FGF14: variants seen among roughly 807,000 people sequenced by gnomAD.
FGF14 encodes fibroblast growth factor homologous factor 4.
FGF14 carries 5 observed loss-of-function variants against 25.5 expected under a neutral mutation model. That is an observed-to-expected ratio of 0.20 (90% CI 0.10 to 0.41). The LOEUF is 0.41. Among genes scored for constraint, FGF14 ranks in the 10% least tolerant of loss-of-function variants. The probability of loss-of-function intolerance (pLI) is 1.00; values close to 1 mark genes in which losing one functional copy is unlikely to be tolerated. For synonymous variants in FGF14, 138 were observed against 118.3 expected (o/e 1.17, Z -1.08); for missense variants, 222 against 320.1 (o/e 0.69, Z 2.34).
In FGF14 at chr13:101,715,087, CAT is replaced by C. The variant is rs1429476394; in HGVS notation, c.*7742_*7743del. ...TAGCCAAGTTACGAGGAAACAGAGA[CAT>C]GTATACTTCTCCTCAGCTCTAGCTG... On this transcript the variant is annotated 3_prime_UTR_variant, in exon 5 of 5. Transcript: ENST00000376143. The C allele has an allele frequency of 1.8e-5, 3 of 166,798 alleles. No individual in the cohort carries two copies. Among genetic ancestry groups the C allele is most frequent in the Admixed American group, 1.2e-4 (2 of 17,156 alleles). 10.3% of individuals were successfully genotyped at this position (166,798 alleles called of 1,614,324 possible).
At chr13:101,803,482 G>A (rs1055426182) in intron 3 of FGF14, among the ~76,000 whole-genome samples, 22 of 152,114 alleles carry the variant, frequency 1.4e-4, no homozygotes, top group Admixed American at 5.2e-4. Flanking sequence ...GCAAAGGGAA[G>A]AGCCACTGCA....
chr13:102,253,516 T>C (rs753681166), intron 1 of FGF14, among the ~76,000 whole-genome samples: 2 of 152,222 alleles, frequency 1.3e-5, no homozygotes, highest in Non-Finnish European at 2.9e-5. Context: ...TTGATGGGGT[T>C]GTTTTTTTCC....
At chr13:101,963,415 T>C (rs1170539199) in intron 1 of FGF14, among the ~76,000 whole-genome samples, 1 of 152,160 alleles carries the variant, frequency 6.6e-6, no homozygotes, top group East Asian at 1.9e-4. Context: ...TGCCTCCAAA[T>C]GGTCCCTCTA....
chr13:101,873,960 T>C (rs2045255207), intron 2 of FGF14, among the ~76,000 whole-genome samples: 2 of 151,936 alleles, frequency 1.3e-5, no homozygotes, highest in East Asian at 1.9e-4. Context: ...GATTAGAAAT[T>C]GACACGGAGG....
At chr13:102,198,786 G>A (rs892224579) in intron 1 of FGF14, among the ~76,000 whole-genome samples, 19 of 152,162 alleles carry the variant, frequency 1.2e-4, no homozygotes, top group Non-Finnish European at 2.2e-4. Context: ...CCAACCCTGT[G>A]GGATGAGGGG....
At chr13:101,977,296 C>A (rs577870377) in intron 1 of FGF14, among the ~76,000 whole-genome samples, 5 of 152,220 alleles carry the variant, frequency 3.3e-5, no homozygotes, top group Non-Finnish European at 4.4e-5. Flanking sequence ...TATGAATACA[C>A]CATATTTTTT....
At position 102,037,936 on chromosome 13, in the gene FGF14, T is replaced by TC. The variant is rs576573061; in HGVS notation, c.209-162641dup. ...CATGTTAATTCCCCCATTTTATACA[T>TC]CCAGTGTGAACAAGCAAGAAAGGAA... On this transcript the variant is annotated intron_variant, in intron 1 of 4. Coordinates refer to the FGF14 transcript ENST00000376131. Among the ~76,000 whole-genome samples, 153 of 152,114 alleles carry TC rather than the reference T, an allele frequency of 1.0e-3. 3 individuals are homozygous for TC. The highest frequency in any genetic ancestry group is 9.7e-4 in the Non-Finnish European group (66 of 68,010).
chr13:102,288,394 A>G (rs2054211373), intron 1 of FGF14, among the ~76,000 whole-genome samples: 1 of 152,188 alleles, frequency 6.6e-6, no homozygotes. Flanking sequence ...AATAATATTC[A>G]TAGAATTAAA....
intron 1 of FGF14, among the ~76,000 whole-genome samples, chr13:102,109,761 A>T (rs1249444194): frequency 6.6e-6 from 1 of 152,104 alleles, no homozygotes; most frequent in Non-Finnish European, 1.5e-5. Context: ...CTGGGACTAC[A>T]GGCACCTGCC....
At chr13:101,916,993 C>A (rs1000515528), upstream of FGF14, among the ~76,000 whole-genome samples, 1 of 151,668 alleles carries the variant, frequency 6.6e-6, no homozygotes, top group African/African-American at 2.4e-5. Context: ...CGGGGGTCGC[C>A]ACCGCCACTC....
intron 1 of FGF14, among the ~76,000 whole-genome samples, chr13:102,248,119 G>A (rs1214131117): frequency 6.6e-6 from 1 of 152,062 alleles, no homozygotes; most frequent in Non-Finnish European, 1.5e-5. Context: ...GAGAGGAACA[G>A]TAAAAAAGCA....
At chr13:101,823,189 G>T (rs184733932) in intron 3 of FGF14, among the ~76,000 whole-genome samples, 1 of 152,024 alleles carries the variant, frequency 6.6e-6, no homozygotes, top group African/African-American at 2.4e-5. Context: ...TATTTGTGTG[G>T]ATTTATGTTT....
intron 3 of FGF14, among the ~76,000 whole-genome samples, chr13:101,770,134 C>CT (rs1197998208): frequency 6.6e-6 from 1 of 151,798 alleles, no homozygotes; most frequent in Non-Finnish European, 1.5e-5. Flanking sequence ...ACATAAAAGT[C>CT]TTTTTTTAAG....
intron 1 of FGF14, among the ~76,000 whole-genome samples, chr13:102,288,206 T>G (rs1019166179): frequency 6.6e-6 from 1 of 152,210 alleles, no homozygotes; most frequent in African/African-American, 2.4e-5. Context: ...TATGTAATAT[T>G]GCCAACTAAA....
At chr13:102,212,245 GT>G (rs554635123) in intron 1 of FGF14, among the ~76,000 whole-genome samples, 1 of 152,122 alleles carries the variant, frequency 6.6e-6, no homozygotes, top group African/African-American at 2.4e-5. Flanking sequence ...AATATGACAT[GT>G]TTTTTTAAAG....
intron 1 of FGF14, among the ~76,000 whole-genome samples, chr13:102,308,916 C>CA (rs71125061): frequency 0.1 from 6,163 of 61,934 alleles, 281 homozygotes; most frequent in East Asian, 0.18. Flanking sequence ...GTTTCTTATA[C>CA]AAAAAAAAAA....
intron 1 of FGF14, among the ~76,000 whole-genome samples, chr13:102,326,693 GGGAAGGAAGGAAGGAAGGAA>G (rs372687332): frequency 2.7e-4 from 8 of 29,388 alleles, no homozygotes; most frequent in South Asian, 1.8e-3. Flanking sequence ...GGGAAGGGAA[GGGAAGGAAGGAAGGAAGGAA>G]GGAAGGAAGG....
At chr13:102,011,838 T>C (rs1566569123) in intron 1 of FGF14, among the ~76,000 whole-genome samples, 1 of 152,188 alleles carries the variant, frequency 6.6e-6, no homozygotes, top group Admixed American at 6.5e-5. Context: ...AGCTCACCCA[T>C]CTGCCAAGGA....
intron 1 of FGF14, among the ~76,000 whole-genome samples, chr13:102,117,413 G>A (rs944697634): frequency 6.6e-5 from 10 of 152,154 alleles, no homozygotes; most frequent in Non-Finnish European, 1.5e-4. Context: ...TGACTTTTAA[G>A]TGAGCCAATT....
Sources: allele counts gnomAD v4.1 joint callset (sites outside exome capture counted in the v4.1 genomes callset), GRCh38; gene constraint gnomAD v4.1.1; transcripts MANE v1.5; gene names NCBI Gene and HGNC (gene_info 2026-07-23, HGNC 2026-07-21).